PGBD2: variants seen among roughly 807,000 people sequenced by gnomAD.
The protein encoded by PGBD2 is piggyBac transposable element-derived protein 2.
In PGBD2, 6 loss-of-function variants were observed where a neutral mutation model predicts 8.1. The observed-to-expected ratio is 0.74, with a 90% CI of 0.40 to 1.46. The LOEUF is 1.46. Among genes scored for constraint, PGBD2 ranks in the 40% most tolerant of loss-of-function variants. The probability of loss-of-function intolerance (pLI) is 0.02; values close to 1 mark genes in which losing one functional copy is unlikely to be tolerated. For missense variants in PGBD2, 802 were observed against 739.0 expected (o/e 1.09, Z -0.99); for synonymous variants, 318 against 272.2 (o/e 1.17, Z -1.66).
the PGBD2 span, among the ~76,000 whole-genome samples, chr1:248,883,387 G>T: frequency 2.0e-5 from 3 of 152,060 alleles, no homozygotes; most frequent in African/African-American, 7.2e-5. Context: ...CTCCCAAAGT[G>T]CTGGGATTAC....
At chr1:248,879,455 C>T in the PGBD2 span, among the ~76,000 whole-genome samples, 2 of 152,210 alleles carry the variant, frequency 1.3e-5, no homozygotes, top group South Asian at 2.1e-4. Flanking sequence ...AGTGTAGTGG[C>T]GTGATCTCAG....
At chr1:248,887,598 G>C in the PGBD2 span, among the ~76,000 whole-genome samples, 2 of 152,172 alleles carry the variant, frequency 1.3e-5, no homozygotes, top group Non-Finnish European at 2.9e-5. Context: ...GATGATGGGA[G>C]CGAAACACAC....
intron 1 of PGBD2, among the ~76,000 whole-genome samples, chr1:248,909,044 T>C (rs1661767538): frequency 6.6e-6 from 1 of 152,238 alleles, no homozygotes; most frequent in Non-Finnish European, 1.5e-5. Flanking sequence ...ACCCAGTAGA[T>C]ACTTCAGATG....
chr1:248,903,624 T>C (rs1197150651), upstream of PGBD2, among the ~76,000 whole-genome samples: 1 of 152,204 alleles, frequency 6.6e-6, no homozygotes, highest in Non-Finnish European at 1.5e-5. Flanking sequence ...AGCAATCTCT[T>C]CTTATCCTGG....
the PGBD2 span, among the ~76,000 whole-genome samples, chr1:248,925,759 G>T: frequency 6.6e-6 from 1 of 152,050 alleles, no homozygotes; most frequent in Non-Finnish European, 1.5e-5. Flanking sequence ...TTGGAGCTAA[G>T]AGGAAACATT....
chr1:248,915,372 C>T (rs746397352), intron 2 of PGBD2, among the ~76,000 whole-genome samples: 4 of 152,232 alleles, frequency 2.6e-5, no homozygotes, highest in Non-Finnish European at 4.4e-5. Flanking sequence ...CATACTGTCA[C>T]TCTGTTTTTC....
At chr1:248,896,030 C>T in the PGBD2 span, among the ~76,000 whole-genome samples, 4 of 152,004 alleles carry the variant, frequency 2.6e-5, no homozygotes, top group African/African-American at 4.8e-5. Flanking sequence ...ACCCTTCCCC[C>T]GCCCCGAGTC....
At chr1:248,882,145 G>T in the PGBD2 span, among the ~76,000 whole-genome samples, 2 of 152,142 alleles carry the variant, frequency 1.3e-5, no homozygotes, top group Admixed American at 6.5e-5. Context: ...ACACACACAA[G>T]ATAGTGAAAG....
the PGBD2 span, among the ~76,000 whole-genome samples, chr1:248,929,091 G>A: frequency 3.9e-5 from 6 of 152,084 alleles, no homozygotes; most frequent in Non-Finnish European, 8.8e-5. Flanking sequence ...TCATTTATTT[G>A]TAATCTTAGT....
intron 1 of PGBD2, chr1:248,906,561 C>G (rs1419778567): frequency 6.8e-6 from 1 of 146,374 alleles, no homozygotes; most frequent in East Asian, 2.1e-4. Flanking sequence ...GGAGGCCGGG[C>G]CGGCTGAGCG....
At chr1:248,898,947 GT>G in the PGBD2 span, among the ~76,000 whole-genome samples, 4 of 152,040 alleles carry the variant, frequency 2.6e-5, no homozygotes, top group Admixed American at 1.3e-4. Flanking sequence ...AAAAAGCAGG[GT>G]TTTTTTGTAG....
chr1:248,883,597 T>TC, the PGBD2 span, among the ~76,000 whole-genome samples: 1 of 140,238 alleles, frequency 7.1e-6, no homozygotes, highest in South Asian at 2.3e-4. Context: ...TTTTTTTTTT[T>TC]TTTTTTTTGA....
the PGBD2 span, among the ~76,000 whole-genome samples, chr1:248,893,179 C>T: frequency 6.6e-6 from 1 of 152,212 alleles, no homozygotes; most frequent in Non-Finnish European, 1.5e-5. Flanking sequence ...GCAATGAACA[C>T]ATCCATCAAT....
the PGBD2 span, among the ~76,000 whole-genome samples, chr1:248,879,421 A>C: frequency 2.6e-5 from 4 of 151,862 alleles, no homozygotes; most frequent in South Asian, 8.3e-4. Context: ...TTGAGATAGG[A>C]TCCTTCTCTG....
Position 248,913,829 on chromosome 1 carries a change from G to T in PGBD2, c.-34G>T, listed in dbSNP as rs759152642. 2.2e-5 allele frequency: 35 copies of T among 1,584,774 alleles called. No homozygotes were observed. The highest frequency in any genetic ancestry group is 2.9e-5 in the Non-Finnish European group (33 of 1,153,510). Reference sequence around the variant, plus strand: ...CTTGTCTTACAGGTTCTTAGACTCTGTGAGTAAAGACAGCTTCATCTTCCC... The same window carrying T: ...CTTGTCTTACAGGTTCTTAGACTCTTTGAGTAAAGACAGCTTCATCTTCCC... On this transcript the variant is annotated 5_prime_UTR_variant, in exon 2 of 3. Transcript: ENST00000329291.
chr1:248,927,526 G>T, the PGBD2 span, among the ~76,000 whole-genome samples: 1 of 152,176 alleles, frequency 6.6e-6, no homozygotes, highest in South Asian at 2.1e-4. Flanking sequence ...CAAGCCATGT[G>T]GTCCCTCTCT....
chr1:248,892,036 G>A, the PGBD2 span, among the ~76,000 whole-genome samples: 1 of 152,216 alleles, frequency 6.6e-6, no homozygotes, highest in African/African-American at 2.4e-5. Context: ...AGTTTAAAGA[G>A]AGTTTATTCA....
At chr1:248,920,929 G>A (rs535115859), downstream of PGBD2, among the ~76,000 whole-genome samples, 9 of 151,738 alleles carry the variant, frequency 5.9e-5, no homozygotes, top group African/African-American at 1.9e-4. Flanking sequence ...TCTATTGGCT[G>A]CATAAATGTC....
chr1:248,924,248 T>C (rs2103123047), downstream of PGBD2, among the ~76,000 whole-genome samples: 1 of 152,322 alleles, frequency 6.6e-6, no homozygotes, highest in East Asian at 1.9e-4. Context: ...TTATGCGCTT[T>C]TTTTCTAAGT....
Sources: allele counts gnomAD v4.1 joint callset (sites outside exome capture counted in the v4.1 genomes callset), GRCh38; gene constraint gnomAD v4.1.1; transcripts MANE v1.5; gene names NCBI Gene and HGNC (gene_info 2026-07-23, HGNC 2026-07-21).